The following ELAVL4 variants were observed in gnomAD, a reference collection of about 807,000 sequenced individuals.
ELAVL4 encodes ELAV like RNA binding protein 4.
In ELAVL4, 1 loss-of-function variant was observed where a neutral mutation model predicts 35.6. The ratio of observed to expected loss-of-function variants is 0.03; its 90% confidence interval spans 0.01 to 0.13. The LOEUF is 0.13. Ranked by LOEUF, ELAVL4 falls within the 10% of genes least tolerant of loss-of-function variation. ELAVL4 has a pLI of 1.00. For synonymous variants in ELAVL4, 156 were observed against 171.0 expected (o/e 0.91, Z 0.69); for missense variants, 267 against 464.9 (o/e 0.57, Z 3.91).
chr1:50,071,116 C>A (rs1039805592), intron 1 of ELAVL4, among the ~76,000 whole-genome samples: 1 of 152,308 alleles, frequency 6.6e-6, no homozygotes. Context: ...AGGACCCCCC[C>A]TCAGAACAGT....
chr1:50,096,434 T>C (rs1295773191), intron 1 of ELAVL4, among the ~76,000 whole-genome samples: 1 of 148,634 alleles, frequency 6.7e-6, no homozygotes, highest in Non-Finnish European at 1.5e-5. Context: ...AAGACAAGTG[T>C]TGTGAGAGAA....
chr1:50,112,364 T>TA (rs1320744340), intron 1 of ELAVL4, among the ~76,000 whole-genome samples: 2 of 152,118 alleles, frequency 1.3e-5, no homozygotes, highest in Non-Finnish European at 2.9e-5. Flanking sequence ...GCTTGGGTTG[T>TA]AAAAAAGACA....
chr1:50,049,487 A>T (rs1663241164), intron 1 of ELAVL4, among the ~76,000 whole-genome samples: 1 of 152,214 alleles, frequency 6.6e-6, no homozygotes, highest in Non-Finnish European at 1.5e-5. Flanking sequence ...TAACGTAACA[A>T]GGAATCAAAA....
chr1:50,111,047 A>G (rs1666985043), intron 1 of ELAVL4, among the ~76,000 whole-genome samples: 1 of 152,056 alleles, frequency 6.6e-6, no homozygotes, highest in African/African-American at 2.4e-5. Flanking sequence ...TTCGTTATTA[A>G]TAGGTGTTAA....
intron 1 of ELAVL4, chr1:50,141,906 C>T (rs1672884781): frequency 6.6e-6 from 1 of 152,174 alleles, no homozygotes; most frequent in South Asian, 2.1e-4. Context: ...GCTTTATTTC[C>T]TTGGCTCCTC....
At position 50,109,020 on chromosome 1, in the gene ELAVL4, C is replaced by CGGGG; in HGVS notation, c.-169_-168insGGGG. The CGGGG allele has an allele frequency of 2.0e-6, 1 of 489,448 alleles. No individual in the cohort carries two copies. The highest frequency in any genetic ancestry group is 2.6e-6 in the Non-Finnish European group (1 of 385,608). The allele number at this position is 489,448 out of a possible 1,614,324, so 30.3% of individuals were successfully genotyped here. The stretch of plus-strand genomic sequence containing the variant: ...TTTTCTTTTTTTTCTTTCTCTCCCC[C>CGGGG]GCCCACCCCCCCAAAAATAATTGAT... On this transcript the variant is annotated 5_prime_UTR_variant, in exon 1 of 7. Coordinates refer to ENST00000371824, the MANE Select transcript of ELAVL4 (RefSeq NM_001144774.3).
intron 1 of ELAVL4, among the ~76,000 whole-genome samples, chr1:50,096,943 C>G (rs1226795894): frequency 2.0e-5 from 3 of 152,168 alleles, no homozygotes; most frequent in African/African-American, 7.2e-5. Context: ...TGGTTAGGCA[C>G]AGTGGTGCAT....
chr1:50,097,812 T>C (rs1665783565), intron 1 of ELAVL4, among the ~76,000 whole-genome samples: 2 of 152,206 alleles, frequency 1.3e-5, no homozygotes, highest in African/African-American at 4.8e-5. Context: ...TATCATGGAA[T>C]TGGCAAACAT....
At chr1:50,066,787 C>T (rs1664284963) in intron 1 of ELAVL4, among the ~76,000 whole-genome samples, 2 of 152,100 alleles carry the variant, frequency 1.3e-5, no homozygotes, top group African/African-American at 4.8e-5. Context: ...GCATTTTTTA[C>T]TCAGCCTTAA....
At chr1:50,089,531 T>A (rs952526524) in intron 1 of ELAVL4, among the ~76,000 whole-genome samples, 5 of 152,168 alleles carry the variant, frequency 3.3e-5, no homozygotes, top group Non-Finnish European at 7.3e-5. Flanking sequence ...GGTGGGCAGA[T>A]CAATTGAGCT....
intron 1 of ELAVL4, among the ~76,000 whole-genome samples, chr1:50,139,374 T>A (rs1035540352): frequency 6.6e-6 from 1 of 152,220 alleles, no homozygotes; most frequent in Non-Finnish European, 1.5e-5. Flanking sequence ...CTCAGAAAAG[T>A]ATGGAGGTAG....
At chr1:50,184,958 T>A (rs1001959704) in intron 3 of ELAVL4, among the ~76,000 whole-genome samples, 1 of 152,224 alleles carries the variant, frequency 6.6e-6, no homozygotes, top group Non-Finnish European at 1.5e-5. Context: ...TTTAAATTAA[T>A]TAAAATTTAA....
chr1:50,136,797 G>A lies in ELAVL4; in HGVS notation c.10-8160G>A, dbSNP rs531100268. On this transcript the variant is annotated intron_variant, in intron 1 of 6. Transcript: ENST00000371824. ...TTCTTTCCTCTTGATCCTTTCGCAT[G>A]AATTGTGCAGTGAGGCTATATCTCC... is the stretch of plus-strand genomic sequence containing the variant. Among the ~76,000 whole-genome samples the A allele has an allele frequency of 2.8e-4, 43 of 152,248 alleles. No homozygotes were observed. In the South Asian group the frequency reaches 6.8e-3, roughly 24 times the overall value.
At chr1:50,130,998 T>C (rs1237539872) in intron 1 of ELAVL4, among the ~76,000 whole-genome samples, 1 of 152,160 alleles carries the variant, frequency 6.6e-6, no homozygotes, top group Non-Finnish European at 1.5e-5. Flanking sequence ...AAAGGTAAAT[T>C]TCTGGGATAA....
At chr1:50,093,631 G>T (rs1665588745) in intron 1 of ELAVL4, among the ~76,000 whole-genome samples, 1 of 152,200 alleles carries the variant, frequency 6.6e-6, no homozygotes, top group Admixed American at 6.5e-5. Context: ...TTGCCCGAGA[G>T]AAGCATCAGT....
At chr1:50,086,313 T>G (rs4462194) in intron 1 of ELAVL4, among the ~76,000 whole-genome samples, 1 of 152,010 alleles carries the variant, frequency 6.6e-6, no homozygotes, top group East Asian at 1.9e-4. Flanking sequence ...TATAAAGGAA[T>G]GTTGAAATTG....
intron 1 of ELAVL4, among the ~76,000 whole-genome samples, chr1:50,074,065 T>G (rs1664650141): frequency 6.6e-6 from 1 of 152,130 alleles, no homozygotes; most frequent in Non-Finnish European, 1.5e-5. Flanking sequence ...TTTGAAAGGT[T>G]TTACTGGTAA....
chr1:50,193,161 C>T (rs936650029), intron 3 of ELAVL4, among the ~76,000 whole-genome samples: 3 of 152,126 alleles, frequency 2.0e-5, no homozygotes, highest in African/African-American at 7.2e-5. Flanking sequence ...TCCAGTTTCG[C>T]AAGCAGATGT....
chr1:50,066,740 T>C (rs1664282071), intron 1 of ELAVL4, among the ~76,000 whole-genome samples: 1 of 152,154 alleles, frequency 6.6e-6, no homozygotes, highest in Non-Finnish European at 1.5e-5. Context: ...TGGCTTTCTA[T>C]AATTAATATT....
Sources: allele counts gnomAD v4.1 joint callset (sites outside exome capture counted in the v4.1 genomes callset), GRCh38; gene constraint gnomAD v4.1.1; transcripts MANE v1.5; gene names NCBI Gene and HGNC (gene_info 2026-07-23, HGNC 2026-07-21).